Variants in CD163L1 observed in about 807,000 individuals in gnomAD.
The protein encoded by CD163L1 is CD163 molecule like 1.
Under a neutral mutation model 165.4 loss-of-function variants are expected in CD163L1, and 124 were observed. That is an observed-to-expected ratio of 0.75 (90% CI 0.65 to 0.87). The LOEUF is 0.87. CD163L1 is among the 40% of genes least tolerant of loss of function. CD163L1 has a pLI of 0.00. For synonymous variants in CD163L1, 585 were observed against 662.2 expected, an observed-to-expected ratio of 0.88 and a Z score of 1.79; for missense variants, 1,525 against 1,799.9, an observed-to-expected ratio of 0.85 and a Z score of 2.76.
Position 7,439,965 on chromosome 12 carries a change from C to G in CD163L1, c.124+1189G>C, listed in dbSNP as rs1166140831. On this transcript the variant is annotated intron_variant, in intron 2 of 19. Coordinates refer to ENST00000313599, the MANE Select transcript of CD163L1 (RefSeq NM_174941.6). Reference sequence around the variant, plus strand: ...CTGACACAGGGGCTGCGGTCACACTCGCTCCCTCCGCAGCCTGCTCCATCC... The same window carrying G: ...CTGACACAGGGGCTGCGGTCACACTGGCTCCCTCCGCAGCCTGCTCCATCC... 22 of 1,565,652 alleles carry G rather than the reference C, an allele frequency of 1.4e-5. No homozygotes were observed. The African/African-American group carries it at 2.4e-4, about 17-fold the overall frequency.
At chr12:7,439,037 G>A in intron 2 of CD163L1, 1 of 1,603,746 alleles carries the variant, frequency 6.2e-7, no homozygotes, top group Non-Finnish European at 8.5e-7. Flanking sequence ...ATCCTCCTCA[G>A]CACTCATGGC....
At chr12:7,323,221 G>A in the CD163L1 span, 1 of 1,598,874 alleles carries the variant, frequency 6.3e-7, no homozygotes, top group Non-Finnish European at 8.5e-7. Context: ...TACAAAGCTT[G>A]TCCTCTCAAT....
Position 7,373,627 on chromosome 12 carries a change from CA to C in CD163L1, c.3422del (p.Leu1141Ter). 3.1e-6 allele frequency: 5 copies of C among 1,593,752 alleles called. No individual in the cohort carries two copies. The highest frequency in any genetic ancestry group is 1.1e-5 in the South Asian group (1 of 89,336). On this transcript the variant is annotated frameshift_variant, in exon 14 of 20. Coordinates refer to ENST00000313599, the MANE Select transcript of CD163L1 (RefSeq NM_174941.6). LOFTEE classifies it high-confidence loss of function. ...AGVICSEFTA[L>X]RLYSETETES... is the part of the protein sequence containing the mutation. ...CTGTTTCAGTTTCACTGTAGAGCCT[CA>C]AGGCTGTGAATTCTACAGAGAAATA...
At chr12:7,413,177 A>C (rs1328861516) in intron 4 of CD163L1, among the ~76,000 whole-genome samples, 1 of 151,980 alleles carries the variant, frequency 6.6e-6, no homozygotes, top group East Asian at 1.9e-4. Flanking sequence ...GAGGATAAGA[A>C]GGACAGTTTC....
At chr12:7,421,616 TATGTA>T (rs1948430278) in intron 4 of CD163L1, among the ~76,000 whole-genome samples, 3 of 2,418 alleles carry the variant, frequency 1.2e-3, no homozygotes, top group African/African-American at 1.6e-3. Context: ...CATATACATA[TATGTA>T]CATATATACA....
At chr12:7,379,437 AT>A in intron 8 of CD163L1, 139 bp from the exon 9 acceptor site, 1 of 772,176 alleles carries the variant, frequency 1.3e-6, no homozygotes, top group Non-Finnish European at 1.9e-6. Flanking sequence ...CCAGTGTTTA[AT>A]TTTATTTTTT....
In CD163L1 at chr12:7,347,715, A is replaced by T. The variant is rs1232856704; in HGVS notation, c.*25-568T>A. Among the ~76,000 whole-genome samples, 1 of 151,652 alleles carries T rather than the reference A, an allele frequency of 6.6e-6. No individual in the cohort carries two copies. Among genetic ancestry groups the T allele is most frequent in the African/African-American group, 2.4e-5 (1 of 41,266 alleles). On this transcript the variant is annotated intron_variant, in intron 4 of 4. Coordinates refer to the CD163L1 transcript ENST00000539726. The surrounding 1 kb of genome is among the most constrained non-coding windows in gnomAD (Gnocchi z 4.2). ...ACCTGGGAGGCGGAGCTTGCAGTGA[A>T]CCAAGTTCACGCGCCACTGCACTCC...
At chr12:7,363,574 C>T (rs1298613830) in intron 18 of CD163L1, among the ~76,000 whole-genome samples, 2 of 151,588 alleles carry the variant, frequency 1.3e-5, no homozygotes, top group Non-Finnish European at 2.9e-5. Flanking sequence ...TAAATAAAAT[C>T]AGAAATGAAA....
chr12:7,421,556 C>T (rs1221892716), intron 4 of CD163L1, among the ~76,000 whole-genome samples: 2 of 130,360 alleles, frequency 1.5e-5, no homozygotes, highest in Non-Finnish European at 3.2e-5. Context: ...TATACATATA[C>T]ATATATGTAC....
chr12:7,439,826 C>G (rs1369254972), intron 2 of CD163L1: 1 of 1,613,446 alleles, frequency 6.2e-7, no homozygotes, highest in Admixed American at 1.7e-5. Flanking sequence ...ACATCCTCTC[C>G]GTCCTCCTCA....
chr12:7,422,640 T>A (rs1344948678), intron 4 of CD163L1, among the ~76,000 whole-genome samples: 4 of 150,404 alleles, frequency 2.7e-5, no homozygotes, highest in Admixed American at 2.0e-4. Flanking sequence ...CATATATATA[T>A]CTCATATATA....
chr12:7,430,460 C>A lies in CD163L1; in HGVS notation c.766+1956G>T, dbSNP rs1022184550. ...TAAGAACAAAGATTTATCATATTTT[C>A]TATGCCTCTTCCACCTCTCCGAGTT... is the stretch of plus-strand genomic sequence containing the variant. On this transcript the variant is annotated intron_variant, in intron 4 of 19. Coordinates refer to ENST00000313599, the MANE Select transcript of CD163L1 (RefSeq NM_174941.6). 1.1e-4 allele frequency among the ~76,000 whole-genome samples: 17 copies of A among 152,144 alleles called. 1 individual carries two copies. The highest frequency in any genetic ancestry group is 4.1e-4 in the African/African-American group (17 of 41,446).
intron 2 of CD163L1, among the ~76,000 whole-genome samples, chr12:7,438,319 G>C (rs1591975278): frequency 1.3e-5 from 2 of 152,006 alleles, no homozygotes; most frequent in East Asian, 3.9e-4. Flanking sequence ...ATTTTGCAAA[G>C]CCATATAAAA....
At chr12:7,366,262 G>A (rs1947019327) in intron 18 of CD163L1, among the ~76,000 whole-genome samples, 1 of 151,888 alleles carries the variant, frequency 6.6e-6, no homozygotes, top group South Asian at 2.1e-4. Flanking sequence ...GGGAAAGGGA[G>A]GATAAAGAGA....
Position 7,369,243 on chromosome 12 carries a change from T to C in CD163L1, c.4039+114A>G, listed in dbSNP as rs757131851. The C allele has an allele frequency of 8.4e-7, 1 of 1,185,994 alleles. No homozygotes were observed. The highest frequency in any genetic ancestry group is 1.5e-5 in the South Asian group (1 of 68,550). 73.5% of individuals were successfully genotyped at this position (1,185,994 alleles called of 1,614,324 possible). A position where few individuals can be genotyped will look rare whatever the true frequency, so the allele number is the denominator to read the frequency against. On this transcript the variant is annotated intron_variant, in intron 15 of 19. Coordinates refer to ENST00000313599, the MANE Select transcript of CD163L1 (RefSeq NM_174941.6). The surrounding 1 kb of genome is among the most constrained non-coding windows in gnomAD (Gnocchi z 4.9). The stretch of plus-strand genomic sequence containing the variant: ...AACGTTAGTTTAACATAGCCTTTCA[T>C]TCTTCAACAAGAAATCCTAGTATCT...
chr12:7,425,812 A>G (rs1374976156), intron 4 of CD163L1, among the ~76,000 whole-genome samples: 1 of 152,100 alleles, frequency 6.6e-6, no homozygotes, highest in Non-Finnish European at 1.5e-5. Context: ...AATCATTAAA[A>G]ACTCTGGAAA....
At chr12:7,401,540 T>A (rs1378094597) in intron 6 of CD163L1, among the ~76,000 whole-genome samples, 1 of 152,164 alleles carries the variant, frequency 6.6e-6, no homozygotes, top group African/African-American at 2.4e-5. Flanking sequence ...TTTCTCAGTA[T>A]ATCAAATAAA....
At chr12:7,440,004 A>T in intron 2 of CD163L1, 1 of 1,514,532 alleles carries the variant, frequency 6.6e-7, no homozygotes, top group Middle Eastern at 2.2e-4. Flanking sequence ...CAGCTCCGCA[A>T]ACCGCCGAGG....
chr12:7,330,077 T>A, the CD163L1 span, among the ~76,000 whole-genome samples: 1 of 152,298 alleles, frequency 6.6e-6, no homozygotes, highest in African/African-American at 2.4e-5. Context: ...TTCACCTAAG[T>A]GATTTTAATA....
Sources: gnomAD v4.1 joint callset for allele counts (sites outside exome capture counted in the v4.1 genomes callset) on GRCh38, gnomAD v4.1.1 for gene constraint, Gnocchi (gnomAD v3.1) non-coding constraint, MANE v1.5 for transcripts, NCBI Gene and HGNC (gene_info 2026-07-23, HGNC 2026-07-21) for gene names.